DHX30: variants seen among roughly 807,000 people sequenced by gnomAD.
DHX30 encodes ATP-dependent RNA helicase DHX30.
Under a neutral mutation model 116.9 loss-of-function variants are expected in DHX30, and 4 were observed. That is an observed-to-expected ratio of 0.03 (90% CI 0.02 to 0.08). The LOEUF (loss-of-function observed/expected upper bound fraction) is 0.08, where lower values mean the gene tolerates loss of function less well. Ranked by LOEUF, DHX30 falls within the 10% of genes least tolerant of loss-of-function variation. The probability of loss-of-function intolerance (pLI) is 1.00; values close to 1 mark genes in which losing one functional copy is unlikely to be tolerated. For missense variants in DHX30, 871 were observed against 1,595.1 expected, an observed-to-expected ratio of 0.55 and a Z score of 7.73; for synonymous variants, 697 against 651.7, an observed-to-expected ratio of 1.07 and a Z score of -1.06.
At chr3:47,825,293 C>T in intron 4 of DHX30, 1 of 551,266 alleles carries the variant, frequency 1.8e-6, no homozygotes, top group Non-Finnish European at 3.2e-6. Flanking sequence ...CCCTTGACTC[C>T]TGGGATGGCA....
chr3:47,848,130 A>G lies in DHX30; in HGVS notation c.2287-50A>G. On this transcript the variant is annotated intron_variant, in intron 14 of 21. Coordinates refer to ENST00000445061, the MANE Select transcript of DHX30 (RefSeq NM_138615.3). The surrounding 1 kb of genome is among the most constrained non-coding windows in gnomAD (Gnocchi z 9.4). ...GTGAGGGTTACTCAGGGAGTGGGGA[A>G]GCACTGAGGAAGTGGCATTTGTGTG... 1 of 1,606,682 alleles carries G rather than the reference A, an allele frequency of 6.2e-7. No individual in the cohort carries two copies. Among genetic ancestry groups the G allele is most frequent in the African/African-American group, 1.3e-5 (1 of 74,926 alleles).
intron 9 of DHX30, 157 bp from the exon 10 acceptor site, chr3:47,845,543 T>C: frequency 1.3e-6 from 1 of 752,206 alleles, no homozygotes; most frequent in Non-Finnish European, 1.9e-6. Context: ...AACATTTTCC[T>C]AGTTCATAAT....
intron 3 of DHX30, among the ~76,000 whole-genome samples, chr3:47,817,645 A>G (rs897166506): frequency 1.3e-5 from 2 of 152,182 alleles, no homozygotes; most frequent in Non-Finnish European, 2.9e-5. Context: ...CTACCATAAG[A>G]AGCAGACACG....
intron 2 of DHX30, among the ~76,000 whole-genome samples, chr3:47,807,499 C>T (rs543443662): frequency 2.6e-5 from 4 of 151,770 alleles, no homozygotes; most frequent in South Asian, 2.1e-4. Flanking sequence ...GCCAAGAGAT[C>T]GAGACCATCC....
At chr3:47,825,157 G>A in intron 4 of DHX30, 1 of 670,326 alleles carries the variant, frequency 1.5e-6, no homozygotes, top group Non-Finnish European at 2.7e-6. Flanking sequence ...TTCAAGCTGC[G>A]CCCACCCCGA....
At chr3:47,817,660 G>C (rs981112942) in intron 3 of DHX30, among the ~76,000 whole-genome samples, 2 of 152,184 alleles carry the variant, frequency 1.3e-5, no homozygotes, top group African/African-American at 4.8e-5. Flanking sequence ...GACACGTGGT[G>C]CTTTTGAGTT....
At chr3:47,803,444 C>CG (rs1007852523) in intron 1 of DHX30, among the ~76,000 whole-genome samples, 1 of 152,052 alleles carries the variant, frequency 6.6e-6, no homozygotes, top group African/African-American at 2.4e-5. Context: ...GGAGCCCGGG[C>CG]GGGGGCGGGG....
At chr3:47,826,976 T>A (rs2036580891) in intron 4 of DHX30, among the ~76,000 whole-genome samples, 1 of 152,184 alleles carries the variant, frequency 6.6e-6, no homozygotes. Context: ...TGTTTTTGTA[T>A]TTTTTGCTTG....
chr3:47,817,903 A>G, intron 3 of DHX30, 119 bp from the exon 4 acceptor site: 1 of 772,000 alleles, frequency 1.3e-6, no homozygotes, highest in Non-Finnish European at 2.4e-6. Context: ...TGCTCCCAGC[A>G]CTGTCCAGCA....
In DHX30 at chr3:47,849,023, G is replaced by A. The variant is rs771955629; in HGVS notation, c.2873G>A (p.Arg958Gln). The A allele has an allele frequency of 3.7e-6, 6 of 1,613,422 alleles. No individual in the cohort carries two copies. The highest frequency in any genetic ancestry group is 5.1e-6 in the Non-Finnish European group (6 of 1,179,782). Residue 958 changes from arginine to glutamine, a missense_variant, in exon 18 of 22, where the codon CGG (arginine) becomes CAG (glutamine). By Grantham distance (43) the Arg-to-Gln change is conservative (BLOSUM62 1). This residue lies in a region of DHX30 where 238 missense variants were observed against 481.0 expected (regional missense o/e 0.49). Transcript: ENST00000445061. The part of the protein sequence containing the change: ...EVLRWQDRSS[R>Q]ENYLEENLLY... ...CTGCGTTGGCAGGACCGCAGCTCCC[G>A]GGAGAATTACCTGGAGGAAAACCTG...
At chr3:47,807,746 T>C (rs900141832) in intron 2 of DHX30, among the ~76,000 whole-genome samples, 2 of 151,052 alleles carry the variant, frequency 1.3e-5, no homozygotes, top group Non-Finnish European at 2.9e-5. Context: ...AAGAGTCTAT[T>C]TGCAAGCAAA....
In DHX30 at chr3:47,816,807, C is replaced by T. The variant is rs150787228; in HGVS notation, c.29-1215C>T. On this transcript the variant is annotated intron_variant, in intron 3 of 21. Coordinates refer to ENST00000445061, the MANE Select transcript of DHX30 (RefSeq NM_138615.3). ...AGTGCAGGACTTGCTTCTCCCCTAACATTTTGTTGTGAAAAATTTCAAAAA... is the reference window on the plus strand; with the variant it reads ...AGTGCAGGACTTGCTTCTCCCCTAATATTTTGTTGTGAAAAATTTCAAAAA... 185 of 985,286 alleles carry T rather than the reference C, an allele frequency of 1.9e-4. No homozygotes were observed. In the African/African-American group the frequency reaches 3.0e-3, roughly 16 times the overall value. 61.0% of individuals were successfully genotyped at this position (985,286 alleles called of 1,614,324 possible).
intron 10 of DHX30, 77 bp from the exon 11 acceptor site, chr3:47,846,088 G>T: frequency 6.6e-6 from 10 of 1,507,190 alleles, no homozygotes; most frequent in Non-Finnish European, 8.1e-6. Context: ...TGACCCAGGC[G>T]AATCCTGCAG....
In DHX30 at chr3:47,839,386, C is replaced by G. The variant is rs999201384; in HGVS notation, c.367-1491C>G. Among the ~76,000 whole-genome samples, 23 of 149,290 alleles carry G rather than the reference C, an allele frequency of 1.5e-4. 1 individual carries two copies. Among genetic ancestry groups the G allele is most frequent in the Admixed American group, 1.4e-3 (21 of 15,004 alleles). On this transcript the variant is annotated intron_variant, in intron 6 of 21. Transcript: ENST00000445061. ...CTCAGCTCACCGCAACCTCTGCCTC[C>G]CAGGTTCAAGTGATTCTCCTGCCTC...
At chr3:47,815,151 C>T (rs1429232804) in intron 3 of DHX30, among the ~76,000 whole-genome samples, 1 of 152,120 alleles carries the variant, frequency 6.6e-6, no homozygotes, top group Non-Finnish European at 1.5e-5. Context: ...TTGACTGGGG[C>T]TTGAATCTGG....
In DHX30 at chr3:47,849,841, C is replaced by A. The variant is rs1458920282; in HGVS notation, c.3332-26C>A. ...TCCGGGGCCTGGCCTCACCACAGTT[C>A]CCCACCATCTTTTCCATTCCCTCAG... On this transcript the variant is annotated intron_variant, in intron 21 of 21. Transcript: ENST00000445061. 4 of 1,610,554 alleles carry A rather than the reference C, an allele frequency of 2.5e-6. No individual in the cohort carries two copies. In the South Asian group the frequency reaches 4.4e-5, roughly 18 times the overall value.
At position 47,849,180 on chromosome 3, in the gene DHX30, C is replaced by T. The variant is rs2037852815; in HGVS notation, c.2930-12C>T. On this transcript the variant is annotated splice_polypyrimidine_tract_variant and intron_variant, in intron 18 of 21. Coordinates refer to ENST00000445061, the MANE Select transcript of DHX30 (RefSeq NM_138615.3). ...AGGGGCTGTAGGTCCACCACACATT[C>T]TGTCTCCCTAGGACTCATCAAGCAG... The T allele has an allele frequency of 6.2e-7, 1 of 1,613,660 alleles. No homozygotes were observed. Among genetic ancestry groups the T allele is most frequent in the Non-Finnish European group, 8.5e-7 (1 of 1,179,828 alleles).
chr3:47,842,006 G>A, intron 8 of DHX30: 1 of 476,268 alleles, frequency 2.1e-6, no homozygotes, highest in Non-Finnish European at 3.8e-6. Flanking sequence ...GGAAGGGTTA[G>A]AGGTGTGGGT....
At chr3:47,841,479 G>A (rs1014672843) in intron 7 of DHX30, 138 bp from the exon 8 acceptor site, 12 of 1,225,066 alleles carry the variant, frequency 9.8e-6, no homozygotes, top group Middle Eastern at 2.8e-4. Context: ...AGAGACGCCC[G>A]GTTTCCCATC....
Sources: allele counts gnomAD v4.1 joint callset (sites outside exome capture counted in the v4.1 genomes callset), GRCh38; gene constraint gnomAD v4.1.1; regional missense constraint gnomAD v4.1.1; non-coding constraint Gnocchi (gnomAD v3.1); transcripts MANE v1.5; gene names NCBI Gene and HGNC (gene_info 2026-07-23, HGNC 2026-07-21).